The following USH2A variants were observed in gnomAD, a reference collection of about 807,000 sequenced individuals.
USH2A encodes the protein Usher syndrome 2A (autosomal recessive, mild).
Under a neutral mutation model 538.9 loss-of-function variants are expected in USH2A, and 443 were observed. That is an observed-to-expected ratio of 0.82 (90% confidence interval 0.76 to 0.89). The LOEUF (loss-of-function observed/expected upper bound fraction) is 0.89, where lower values mean the gene tolerates loss of function less well. Among genes scored for constraint, USH2A ranks in the 40% least tolerant of loss-of-function variants. USH2A has a pLI of 0.00. For missense variants in USH2A, 6,633 were observed against 6,324.8 expected (o/e 1.05, Z -1.65); for synonymous variants, 2,413 against 2,273.5 (o/e 1.06, Z -1.75).
At chr1:215,813,936 T>A in intron 48 of USH2A, 32 bp from the exon 49 acceptor site, 1 of 1,609,800 alleles carries the variant, frequency 6.2e-7, no homozygotes, top group Non-Finnish European at 8.5e-7. Flanking sequence ...TAAAGAAATA[T>A]CAGTTTAGTT....
At chr1:216,188,525 G>C (rs190615123) in intron 20 of USH2A, among the ~76,000 whole-genome samples, 26 of 151,962 alleles carry the variant, frequency 1.7e-4, no homozygotes, top group Admixed American at 1.6e-3. Context: ...AAATGTTATT[G>C]GAAGGATGAT....
At chr1:215,686,768 C>G (rs1472534878) in intron 61 of USH2A, among the ~76,000 whole-genome samples, 3 of 151,634 alleles carry the variant, frequency 2.0e-5, no homozygotes, top group Non-Finnish European at 4.4e-5. Context: ...ATTATTCAGC[C>G]AATAAGTATA....
chr1:216,242,538 G>A (rs1263913988), intron 13 of USH2A, among the ~76,000 whole-genome samples: 1 of 151,876 alleles, frequency 6.6e-6, no homozygotes, highest in Non-Finnish European at 1.5e-5. Context: ...GAGAAAAAAT[G>A]CAAAAGAGAA....
chr1:215,752,740 G>T (rs1442242977), intron 58 of USH2A, among the ~76,000 whole-genome samples: 1 of 152,084 alleles, frequency 6.6e-6, no homozygotes, highest in Non-Finnish European at 1.5e-5. Flanking sequence ...ATTGCTTTTG[G>T]TGTTTTAGAC....
At chr1:215,942,606 A>G (rs1229546730) in intron 37 of USH2A, among the ~76,000 whole-genome samples, 2 of 152,222 alleles carry the variant, frequency 1.3e-5, no homozygotes, top group Non-Finnish European at 2.9e-5. Flanking sequence ...ACAAACTATG[A>G]AAACAGTAAC....
chr1:216,267,298 C>A (rs562416241), intron 11 of USH2A, among the ~76,000 whole-genome samples: 5 of 152,096 alleles, frequency 3.3e-5, no homozygotes, highest in African/African-American at 1.2e-4. Context: ...TCCTTGGAGA[C>A]CTTAACAAGA....
intron 9 of USH2A, among the ~76,000 whole-genome samples, chr1:216,300,530 A>G (rs986057272): frequency 6.6e-6 from 1 of 152,212 alleles, no homozygotes; most frequent in Non-Finnish European, 1.5e-5. Flanking sequence ...TATGAAAATC[A>G]TTGAATAGTC....
chr1:216,168,906 C>T lies in USH2A; in HGVS notation c.4627+6346G>A, dbSNP rs76247707. Among the ~76,000 whole-genome samples the T allele has an allele frequency of 9.1e-3, 1,386 of 152,126 alleles. 22 individuals are homozygous for T. Among genetic ancestry groups the T allele is most frequent in the African/African-American group, 0.03 (1,240 of 41,484 alleles). On this transcript the variant is annotated intron_variant, in intron 21 of 71. Transcript: ENST00000307340. The stretch of plus-strand genomic sequence containing the variant: ...TGTCCGACCCAACCAATCAGCACTC[C>T]CACTTCCCAACCCCTTACCAGCCAA...
intron 61 of USH2A, among the ~76,000 whole-genome samples, chr1:215,705,510 A>G (rs11811555): frequency 0.44 from 67,094 of 152,158 alleles, 15,070 homozygotes; most frequent in Middle Eastern, 0.57. Context: ...TGTTAGATGC[A>G]TGCAATTTCA....
chr1:215,855,820 A>G (rs1387378442), intron 44 of USH2A, among the ~76,000 whole-genome samples: 2 of 152,226 alleles, frequency 1.3e-5, no homozygotes, highest in East Asian at 3.8e-4. Flanking sequence ...ACAGTATGGT[A>G]CTGGTATAAA....
Position 215,900,794 on chromosome 1 carries a change from A to T in USH2A, c.7412T>A (p.Leu2471His), listed in dbSNP as rs1290644032. 1.2e-5 allele frequency: 20 copies of T among 1,613,630 alleles called. No homozygotes were observed. Among genetic ancestry groups the T allele is most frequent in the Non-Finnish European group, 1.6e-5 (19 of 1,179,772 alleles). ...NNAPGSPRYQLQMRSGDSTHG... is the reference protein window; with the variant it reads ...NNAPGSPRYQHQMRSGDSTHG... ...GGTGGAGTCGCCAGACCTCATCTGG[A>T]GTTGGTATCTGGGAGAGCCAGGAGC... Residue 2471 changes from leucine (L) to histidine (H), a missense_variant, in exon 39 of 72, where the codon CTC becomes CAC. Physicochemically the swap from Leu to His is moderately conservative, Grantham distance 99 (BLOSUM62 -3). Coordinates refer to ENST00000307340, the MANE Select transcript of USH2A (RefSeq NM_206933.4).
chr1:215,677,093 C>T (rs893286646), intron 62 of USH2A, among the ~76,000 whole-genome samples: 2 of 152,196 alleles, frequency 1.3e-5, no homozygotes, highest in East Asian at 1.9e-4. Context: ...ATAACCACAT[C>T]GTTCACTGAA....
intron 30 of USH2A, among the ~76,000 whole-genome samples, chr1:216,060,420 G>A (rs532908145): frequency 1.3e-5 from 2 of 152,190 alleles, no homozygotes; most frequent in East Asian, 3.9e-4. Flanking sequence ...TAAGTCCATT[G>A]TATGTAAAGA....
At chr1:216,111,160 G>T (rs1187561862) in intron 21 of USH2A, among the ~76,000 whole-genome samples, 7 of 152,148 alleles carry the variant, frequency 4.6e-5, no homozygotes, top group Non-Finnish European at 4.4e-5. Flanking sequence ...GGAGGCGGAG[G>T]TTGGAGGTTG....
chr1:216,323,684 T>C lies in USH2A; in HGVS notation c.1340A>G (p.Tyr447Cys), dbSNP rs1553250638. The C allele has an allele frequency of 6.2e-7, 1 of 1,613,468 alleles. No individual in the cohort carries two copies. Among genetic ancestry groups the C allele is most frequent in the East Asian group, 2.2e-5 (1 of 44,790 alleles). The change falls in exon 8 of 72, where the codon TAT becomes TGT. Residue 447 changes from tyrosine (Y) to cysteine (C), a missense_variant. Transcript: ENST00000307340. ...GCTAAATGTGACATTGCCACGGGAA[T>C]ATGGAGTAAAACTGTTAATGAAAGA... ...NCLQLSNFTP[Y>C]SRGNVTFSIL...
Position 215,743,410 on chromosome 1 carries a change from G to GTATATATA in USH2A, c.11390-76_11390-75insTATATATA, listed in dbSNP as rs375716749. 3,244 of 457,100 alleles carry GTATATATA rather than the reference G, an allele frequency of 7.1e-3. 224 individuals carry two copies. Among genetic ancestry groups the GTATATATA allele is most frequent in the Non-Finnish European group, 7.4e-3 (2,153 of 291,842 alleles). 28.3% of individuals were successfully genotyped at this position (457,100 alleles called of 1,614,324 possible). A position where few individuals can be genotyped will look rare whatever the true frequency, so the allele number is the denominator to read the frequency against. Reference sequence around the variant, plus strand: ...TATGTGTGTGTGTGTGTGTGTGTGTGTGTGTGTATATATATATAGACACAC... The same window carrying GTATATATA: ...TATGTGTGTGTGTGTGTGTGTGTGTGTATATATATGTGTGTATATATATATAGACACAC... On this transcript the variant is annotated intron_variant, in intron 58 of 71. Coordinates refer to ENST00000307340, the MANE Select transcript of USH2A (RefSeq NM_206933.4).
At chr1:216,198,610 C>A (rs139535141) in intron 17 of USH2A, 26 bp from the exon 18 acceptor site, 3 of 1,603,408 alleles carry the variant, frequency 1.9e-6, no homozygotes, top group Non-Finnish European at 1.7e-6. Flanking sequence ...AGTGAACCTA[C>A]GTAACTCATC....
intron 3 of USH2A, among the ~76,000 whole-genome samples, chr1:216,396,914 C>G (rs192405439): frequency 9.6e-4 from 146 of 152,310 alleles, no homozygotes; most frequent in African/African-American, 3.5e-3. Flanking sequence ...TAATATAAAG[C>G]ACTAGCAATT....
intron 34 of USH2A, among the ~76,000 whole-genome samples, chr1:215,998,526 TA>T (rs1668188836): frequency 6.6e-6 from 1 of 152,132 alleles, no homozygotes. Flanking sequence ...CATTGTTTTT[TA>T]AATGAATACA....
Sources: gnomAD v4.1 joint callset for allele counts (sites outside exome capture counted in the v4.1 genomes callset) on GRCh38, gnomAD v4.1.1 for gene constraint, MANE v1.5 for transcripts, NCBI Gene and HGNC (gene_info 2026-07-23, HGNC 2026-07-21) for gene names.